Variants in SYDE2 observed in about 807,000 individuals in gnomAD.
The protein encoded by SYDE2 is synapse defective Rho GTPase homolog 2, also known as rho GTPase-activating protein SYDE2.
Under a neutral mutation model 91.5 loss-of-function variants are expected in SYDE2, and 76 were observed. The observed-to-expected ratio is 0.83, with a 90% CI of 0.69 to 1.01. SYDE2 has a LOEUF of 1.01. SYDE2 is among the 50% of genes least tolerant of loss of function. The probability of loss-of-function intolerance (pLI) is 0.00; values close to 1 mark genes in which losing one functional copy is unlikely to be tolerated. For missense variants in SYDE2, 1,364 were observed against 1,367.7 expected, an observed-to-expected ratio of 1.00 and a Z score of 0.04; for synonymous variants, 513 against 506.4, an observed-to-expected ratio of 1.01 and a Z score of -0.18.
Position 85,182,870 on chromosome 1 carries a change from C to T in SYDE2, c.1772G>A (p.Arg591Gln), listed in dbSNP as rs764194023. 1.1e-5 allele frequency: 18 copies of T among 1,613,408 alleles called. No individual in the cohort carries two copies. The highest frequency in any genetic ancestry group is 4.0e-5 in the African/African-American group (3 of 74,874). ...TTAAKRNVIS[R>Q]YHLDTSVSSQ... Reference sequence around the variant, plus strand: ...GGATACACTGGTATCAAGATGGTATCGGCTTATAACATTCCTCTTAGCAGC... The same window carrying T: ...GGATACACTGGTATCAAGATGGTATTGGCTTATAACATTCCTCTTAGCAGC... Residue 591 changes from arginine to glutamine, a missense_variant, in exon 3 of 7, where the codon CGA (arginine) becomes CAA (glutamine). By Grantham distance (43) the Arg-to-Gln change is conservative (BLOSUM62 1). Transcript: ENST00000341460.
intron 4 of SYDE2, among the ~76,000 whole-genome samples, chr1:85,173,206 A>T (rs1176437770): frequency 6.6e-6 from 1 of 152,156 alleles, no homozygotes; most frequent in African/African-American, 2.4e-5. Context: ...AAAATGGGGG[A>T]CACAGAGAGA....
chr1:85,183,069 T>C lies in SYDE2; in HGVS notation c.1573A>G (p.Thr525Ala). 6.2e-7 allele frequency: 1 copy of C among 1,613,658 alleles called. No homozygotes were observed. The highest frequency in any genetic ancestry group is 8.5e-7 in the Non-Finnish European group (1 of 1,179,794). ...ATTTTCATGGAAAGTTTCCTCACAG[T>C]TCGTGGAGATTTTATTTTATCTGGC... ...SLPDKIKSPRTVRKLSMKMKK... is the reference protein window; with the variant it reads ...SLPDKIKSPRAVRKLSMKMKK... Residue 525 changes from threonine (T) to alanine (A), a missense_variant, in exon 3 of 7, where the codon ACT becomes GCT. Thr to Ala is a moderately conservative substitution (Grantham distance 58). Transcript: ENST00000341460.
In SYDE2 at chr1:85,164,736, CCAA is replaced by C; in HGVS notation, c.2872_2874del (p.Leu958del). 1 of 1,430,768 alleles carries C rather than the reference CCAA, an allele frequency of 7.0e-7. No homozygotes were observed. The highest frequency in any genetic ancestry group is 9.2e-7 in the Non-Finnish European group (1 of 1,090,070). The allele number at this position is 1,430,768 out of a possible 1,614,324, so 88.6% of individuals were successfully genotyped here. ...TAGGAAGCCACCAATTTCAAATGAT[CCAA>C]CAACATCTTTAGGGTTGCCTAAATT... On this transcript the variant is annotated inframe_deletion, in exon 6 of 7. Transcript: ENST00000341460.
At chr1:85,155,859 CTA>C (rs1656870136), downstream of SYDE2, among the ~76,000 whole-genome samples, 1 of 151,924 alleles carries the variant, frequency 6.6e-6, no homozygotes, top group Admixed American at 6.6e-5. Flanking sequence ...ATTATATAAA[CTA>C]ATAGTATAAC....
intron 6 of SYDE2, chr1:85,160,791 A>G (rs1398234643): frequency 7.5e-5 from 74 of 985,116 alleles, no homozygotes; most frequent in Non-Finnish European, 8.4e-5. Context: ...TTTTTGCTTT[A>G]TGTCTTAAAA....
At chr1:85,156,251 TA>T (rs1656879269), downstream of SYDE2, among the ~76,000 whole-genome samples, 1 of 151,936 alleles carries the variant, frequency 6.6e-6, no homozygotes, top group East Asian at 1.9e-4. Context: ...TTTTTAATCC[TA>T]AAAAACATTA....
intron 4 of SYDE2, among the ~76,000 whole-genome samples, chr1:85,173,681 A>C (rs565271545): frequency 1.3e-5 from 2 of 152,198 alleles, no homozygotes; most frequent in Non-Finnish European, 2.9e-5. Context: ...AGAAGGTAAA[A>C]TTTACATTTG....
At chr1:85,185,531 G>C (rs1000477460) in intron 2 of SYDE2, among the ~76,000 whole-genome samples, 1 of 152,072 alleles carries the variant, frequency 6.6e-6, no homozygotes, top group Non-Finnish European at 1.5e-5. Context: ...TCCCTTGTAA[G>C]TTGGATTCCT....
intron 5 of SYDE2, among the ~76,000 whole-genome samples, chr1:85,166,106 C>T (rs922732070): frequency 2.0e-5 from 3 of 151,742 alleles, no homozygotes; most frequent in Non-Finnish European, 4.4e-5. Flanking sequence ...TTTGGGAGGC[C>T]AAGGCAGGTG....
downstream of SYDE2, among the ~76,000 whole-genome samples, chr1:85,156,135 G>T (rs995361143): frequency 6.6e-6 from 1 of 152,138 alleles, no homozygotes; most frequent in Non-Finnish European, 1.5e-5. Flanking sequence ...ACCTCTAAGA[G>T]GTGAAATTGG....
At chr1:85,192,982 A>T (rs911812914) in intron 1 of SYDE2, among the ~76,000 whole-genome samples, 12 of 152,286 alleles carry the variant, frequency 7.9e-5, no homozygotes, top group African/African-American at 2.9e-4. Context: ...ATACTTGAAA[A>T]ACTATTAAGT....
chr1:85,197,132 C>A (rs1243775706), intron 1 of SYDE2, among the ~76,000 whole-genome samples: 3 of 152,132 alleles, frequency 2.0e-5, no homozygotes, highest in African/African-American at 4.8e-5. Context: ...AATCTTAAGG[C>A]TTGCAGAAAC....
intron 4 of SYDE2, among the ~76,000 whole-genome samples, chr1:85,174,684 G>T (rs977675109): frequency 3.5e-4 from 51 of 147,150 alleles, no homozygotes; most frequent in Non-Finnish European, 6.7e-4. Flanking sequence ...ACCTACTTTA[G>T]TCATACCCTA....
At chr1:85,184,975 A>G (rs1658074885) in intron 2 of SYDE2, among the ~76,000 whole-genome samples, 2 of 151,898 alleles carry the variant, frequency 1.3e-5, no homozygotes, top group Non-Finnish European at 2.9e-5. Flanking sequence ...CAATTCTCTG[A>G]TCAAAAATTA....
intron 4 of SYDE2, among the ~76,000 whole-genome samples, chr1:85,176,225 G>T (rs1657692184): frequency 7.3e-6 from 1 of 137,300 alleles, no homozygotes; most frequent in Non-Finnish European, 1.5e-5. Context: ...TGCTGATTTT[G>T]TTAATTACAC....
intron 4 of SYDE2, 62 bp from the exon 5 acceptor site, chr1:85,169,287 G>C (rs1657413101): frequency 7.4e-7 from 1 of 1,349,678 alleles, no homozygotes; most frequent in Non-Finnish European, 1.0e-6. Flanking sequence ...AAGAACTATG[G>C]TCAATTTTTT....
intron 6 of SYDE2, chr1:85,161,051 G>A (rs773206433): frequency 5.9e-5 from 58 of 982,076 alleles, no homozygotes; most frequent in South Asian, 1.4e-4. Flanking sequence ...CTAAATATAC[G>A]GTGAAAATGG....
At chr1:85,172,359 G>A (rs817435) in intron 4 of SYDE2, among the ~76,000 whole-genome samples, 34,228 of 151,980 alleles carry the variant, frequency 0.23, 4,771 homozygotes, top group African/African-American at 0.38. Context: ...AGAGCTGATA[G>A]GAAAACATAC....
At chr1:85,164,950 T>C (rs1657209684) in intron 5 of SYDE2, among the ~76,000 whole-genome samples, 193 bp from the exon 6 acceptor site, 1 of 152,128 alleles carries the variant, frequency 6.6e-6, no homozygotes, top group Admixed American at 6.5e-5. Context: ...TAAATTATGT[T>C]CCAGCCGGGC....
Sources: allele counts gnomAD v4.1 joint callset (sites outside exome capture counted in the v4.1 genomes callset), GRCh38; gene constraint gnomAD v4.1.1; transcripts MANE v1.5; gene names NCBI Gene and HGNC (gene_info 2026-07-23, HGNC 2026-07-21).